SMIM5: variants seen among roughly 807,000 people sequenced by gnomAD.
SMIM5 encodes small integral membrane protein 5.
Under a neutral mutation model 4.0 loss-of-function variants are expected in SMIM5, and 4 were observed. The ratio of observed to expected loss-of-function variants is 1.01; its 90% CI spans 0.50 to 2.30. SMIM5 has a LOEUF of 2.30. SMIM5 is among the 30% of genes most tolerant of loss of function. SMIM5 has a pLI of 0.02. For missense variants in SMIM5, 107 were observed against 99.2 expected, an observed-to-expected ratio of 1.08 and a Z score of -0.34; for synonymous variants, 46 against 43.6, an observed-to-expected ratio of 1.05 and a Z score of -0.22.
chr17:75,640,899 G>C lies in SMIM5; in HGVS notation c.*2G>C, dbSNP rs1170483968. The stretch of plus-strand genomic sequence containing the variant: ...CAGGTGCAGCCGACACCACCATGAC[G>C]GACGGGCGATGGCTGAGGAGAAGCT... On this transcript the variant is annotated 3_prime_UTR_variant, in exon 3 of 3. Coordinates refer to ENST00000375215, the MANE Select transcript of SMIM5 (RefSeq NM_001162995.3). The surrounding 1 kb of genome is among the most constrained non-coding windows in gnomAD (Gnocchi z 4.6). The C allele has an allele frequency of 1.9e-6, 3 of 1,543,228 alleles. No homozygotes were observed. Among genetic ancestry groups the C allele is most frequent in the Non-Finnish European group, 2.6e-6 (3 of 1,146,688 alleles).
chr17:75,640,644 G>C lies in SMIM5; in HGVS notation c.128-147G>C. ...CTGGCGGCTGGCATGGGGACCGTCCGCACCTCTCACCAGCCTCTCGGATCT... is the reference window on the plus strand; with the variant it reads ...CTGGCGGCTGGCATGGGGACCGTCCCCACCTCTCACCAGCCTCTCGGATCT... On this transcript the variant is annotated intron_variant, in intron 2 of 2. Transcript: ENST00000375215. This position sits in a 1 kb window ranked among gnomAD's most constrained non-coding sequence, Gnocchi z 4.6. 6.9e-7 allele frequency: 1 copy of C among 1,449,530 alleles called. No homozygotes were observed. Among genetic ancestry groups the C allele is most frequent in the Non-Finnish European group, 9.1e-7 (1 of 1,095,270 alleles). 89.8% of individuals were successfully genotyped at this position (1,449,530 alleles called of 1,614,324 possible).
chr17:75,640,723 T>C lies in SMIM5; in HGVS notation c.128-68T>C. The C allele has an allele frequency of 2.0e-6, 3 of 1,523,030 alleles. No homozygotes were observed. Among genetic ancestry groups the C allele is most frequent in the Non-Finnish European group, 1.8e-6 (2 of 1,130,012 alleles). The allele number at this position is 1,523,030 out of a possible 1,614,324, so 94.3% of individuals were successfully genotyped here. ...AAGACCCTGGCAGGCAGTGGGTTTC[T>C]CTGGGAGGAGGGTGGGCATCCTTTC... On this transcript the variant is annotated intron_variant, in intron 2 of 2. Coordinates refer to ENST00000375215, the MANE Select transcript of SMIM5 (RefSeq NM_001162995.3). The surrounding 1 kb of genome is among the most constrained non-coding windows in gnomAD (Gnocchi z 4.6).
In SMIM5 at chr17:75,640,185, C is replaced by A; in HGVS notation, c.-17C>A. The A allele has an allele frequency of 6.5e-7, 1 of 1,539,200 alleles. No homozygotes were observed. Among genetic ancestry groups the A allele is most frequent in the Non-Finnish European group, 8.8e-7 (1 of 1,142,310 alleles). On this transcript the variant is annotated 5_prime_UTR_variant, in exon 2 of 3. Coordinates refer to ENST00000375215, the MANE Select transcript of SMIM5 (RefSeq NM_001162995.3). This position sits in a 1 kb window ranked among gnomAD's most constrained non-coding sequence, Gnocchi z 4.6. The stretch of plus-strand genomic sequence containing the variant: ...CAGCAGAGCCCGGCAGGAGCCCCAA[C>A]AGGAAGCCAGCGCGGCATGGCTGCC...
Position 75,636,244 on chromosome 17 carries a change from G to A in SMIM5, c.-37+2042G>A, listed in dbSNP as rs1440969581. Among the ~76,000 whole-genome samples the A allele has an allele frequency of 6.6e-6, 1 of 152,188 alleles. No homozygotes were observed. The highest frequency in any genetic ancestry group is 1.9e-4 in the East Asian group (1 of 5,202). On this transcript the variant is annotated intron_variant, in intron 1 of 2. Transcript: ENST00000375215. The surrounding 1 kb of genome is among the most constrained non-coding windows in gnomAD (Gnocchi z 5.4). The stretch of plus-strand genomic sequence containing the variant: ...CAACCAAGGCACTACTGAGCGTGGG[G>A]TTGGGAGGGACTCTGGTTGCCCTGG...
chr17:75,635,366 G>A (rs2059300498), intron 1 of SMIM5, among the ~76,000 whole-genome samples: 1 of 152,174 alleles, frequency 6.6e-6, no homozygotes, highest in Non-Finnish European at 1.5e-5. Context: ...TCCCTGTCCT[G>A]CATCCACAGG....
At chr17:75,638,652 G>A (rs2059374138) in intron 1 of SMIM5, 1 of 152,338 alleles carries the variant, frequency 6.6e-6, no homozygotes, top group Non-Finnish European at 1.5e-5. Flanking sequence ...CCCGTCCCGG[G>A]GGGGCATTCT....
Position 75,633,577 on chromosome 17 carries a change from A to G in SMIM5, c.-662A>G. On this transcript the variant is annotated 5_prime_UTR_variant, in exon 1 of 3. Coordinates refer to ENST00000375215, the MANE Select transcript of SMIM5 (RefSeq NM_001162995.3). ...GAGCGGCACAAGGGCCTCCCCAGGG[A>G]CTGGTTGCAAAGCCTCCTGCTCAGC... The G allele has an allele frequency of 8.0e-7, 1 of 1,250,190 alleles. No individual in the cohort carries two copies. Among genetic ancestry groups the G allele is most frequent in the Admixed American group, 2.6e-5 (1 of 37,918 alleles). 77.4% of individuals were successfully genotyped at this position (1,250,190 alleles called of 1,614,324 possible).
rs1455186804 is a variant in SMIM5, at chr17:75,640,566, G to A, written c.128-225G>A. ...CCGGGATCCCAAACGCGGGGATGAC[G>A]GGAGCCAGGCTTGGGCAGTGAAAGA... is the stretch of plus-strand genomic sequence containing the variant. On this transcript the variant is annotated intron_variant, in intron 2 of 2. Transcript: ENST00000375215. The surrounding 1 kb of genome is among the most constrained non-coding windows in gnomAD (Gnocchi z 4.6). Among the ~76,000 whole-genome samples, 2 of 152,300 alleles carry A rather than the reference G, an allele frequency of 1.3e-5. No individual in the cohort carries two copies. Among genetic ancestry groups the A allele is most frequent in the South Asian group, 2.1e-4 (1 of 4,834 alleles).
In SMIM5 at chr17:75,640,557, G is replaced by T. The variant is rs144509226; in HGVS notation, c.127+229G>T. Among the ~76,000 whole-genome samples the T allele has an allele frequency of 6.6e-6, 1 of 152,180 alleles. No homozygotes were observed. The highest frequency in any genetic ancestry group is 6.5e-5 in the Admixed American group (1 of 15,280). Reference sequence around the variant, plus strand: ...AGCAGTACCCCGGGATCCCAAACGCGGGGATGACGGGAGCCAGGCTTGGGC... The same window carrying T: ...AGCAGTACCCCGGGATCCCAAACGCTGGGATGACGGGAGCCAGGCTTGGGC... On this transcript the variant is annotated intron_variant, in intron 2 of 2. Transcript: ENST00000375215. The surrounding 1 kb of genome is among the most constrained non-coding windows in gnomAD (Gnocchi z 4.6).
In SMIM5 at chr17:75,640,663, C is replaced by T. The variant is rs1295899861; in HGVS notation, c.128-128C>T. ...CCGTCCGCACCTCTCACCAGCCTCT[C>T]GGATCTTTCTGACCTCCACCAAACC... On this transcript the variant is annotated intron_variant, in intron 2 of 2. Transcript: ENST00000375215. This position sits in a 1 kb window ranked among gnomAD's most constrained non-coding sequence, Gnocchi z 4.6. 21 of 1,466,466 alleles carry T rather than the reference C, an allele frequency of 1.4e-5. No individual in the cohort carries two copies. The highest frequency in any genetic ancestry group is 1.3e-4 in the East Asian group (5 of 40,000). The allele number at this position is 1,466,466 out of a possible 1,614,324, so 90.8% of individuals were successfully genotyped here.
Position 75,640,008 on chromosome 17 carries a change from T to G in SMIM5, c.-36-158T>G. 1 of 709,256 alleles carries G rather than the reference T, an allele frequency of 1.4e-6. No individual in the cohort carries two copies. Among genetic ancestry groups the G allele is most frequent in the East Asian group, 3.0e-5 (1 of 33,478 alleles). 43.9% of individuals were successfully genotyped at this position (709,256 alleles called of 1,614,324 possible). ...TGAGCTGTGTCAGCTGGGTGGGGAC[T>G]GAGGGCCACCACTAGGTGGAAGTCA... is the stretch of plus-strand genomic sequence containing the variant. On this transcript the variant is annotated intron_variant, in intron 1 of 2. Transcript: ENST00000375215. This position sits in a 1 kb window ranked among gnomAD's most constrained non-coding sequence, Gnocchi z 4.6.
At chr17:75,639,841 G>A (rs2059400083) in intron 1 of SMIM5, 1 of 193,716 alleles carries the variant, frequency 5.2e-6, no homozygotes, top group East Asian at 1.4e-4. Context: ...CCAGTCCCAA[G>A]CACCCAGGCA....
intron 1 of SMIM5, among the ~76,000 whole-genome samples, chr17:75,634,886 C>T (rs1475667427): frequency 2.0e-5 from 3 of 152,194 alleles, no homozygotes; most frequent in African/African-American, 4.8e-5. Context: ...GGAGGGACCA[C>T]GCTGGCAACC....
At chr17:75,638,020 T>A (rs1386467916) in intron 1 of SMIM5, 1 of 152,162 alleles carries the variant, frequency 6.6e-6, no homozygotes, top group Non-Finnish European at 1.5e-5. Context: ...CCTATGCCTC[T>A]CAGTACATTT....
rs1175219402 is a variant in SMIM5, at chr17:75,636,984, G to C, written c.-37+2782G>C. The C allele has an allele frequency of 6.6e-6, 1 of 152,232 alleles. No individual in the cohort carries two copies. Among genetic ancestry groups the C allele is most frequent in the Non-Finnish European group, 1.5e-5 (1 of 68,064 alleles). 9.4% of individuals were successfully genotyped at this position (152,232 alleles called of 1,614,324 possible). ...ATGACACTGTCCACAGCCGCAGCCT[G>C]CTGCTGCTGGGAACTGACACTTTTC... On this transcript the variant is annotated intron_variant, in intron 1 of 2. Coordinates refer to ENST00000375215, the MANE Select transcript of SMIM5 (RefSeq NM_001162995.3). The surrounding 1 kb of genome is among the most constrained non-coding windows in gnomAD (Gnocchi z 5.4).
In SMIM5 at chr17:75,640,349, C is replaced by T. The variant is rs752356025; in HGVS notation, c.127+21C>T. Reference sequence around the variant, plus strand: ...CACAGGTTAGTTGGGGCACTCAGCACCCCATGGCTCTCCCTGGCATCTGGG... The same window carrying T: ...CACAGGTTAGTTGGGGCACTCAGCATCCCATGGCTCTCCCTGGCATCTGGG... On this transcript the variant is annotated intron_variant, in intron 2 of 2. Coordinates refer to ENST00000375215, the MANE Select transcript of SMIM5 (RefSeq NM_001162995.3). This position sits in a 1 kb window ranked among gnomAD's most constrained non-coding sequence, Gnocchi z 4.6. 1 of 1,523,334 alleles carries T rather than the reference C, an allele frequency of 6.6e-7. No homozygotes were observed. The highest frequency in any genetic ancestry group is 1.2e-5 in the South Asian group (1 of 80,794). 94.4% of individuals were successfully genotyped at this position (1,523,334 alleles called of 1,614,324 possible). A position where few individuals can be genotyped will look rare whatever the true frequency, so the allele number is the denominator to read the frequency against.
chr17:75,634,655 G>A (rs984307361), intron 1 of SMIM5, among the ~76,000 whole-genome samples: 1 of 152,242 alleles, frequency 6.6e-6, no homozygotes, highest in Non-Finnish European at 1.5e-5. Flanking sequence ...CCAGGATGCA[G>A]CAGGACTCTG....
In SMIM5 at chr17:75,640,543, G is replaced by A. The variant is rs820202; in HGVS notation, c.127+215G>A. Among the ~76,000 whole-genome samples, 49,401 of 151,886 alleles carry A rather than the reference G, an allele frequency of 0.33. 8,425 individuals carry two copies. The highest frequency in any genetic ancestry group is 0.54 in the East Asian group (2,766 of 5,118). ...TGGGGACTGGGCCCAGCAGTACCCCGGGATCCCAAACGCGGGGATGACGGG... is the reference window on the plus strand; with the variant it reads ...TGGGGACTGGGCCCAGCAGTACCCCAGGATCCCAAACGCGGGGATGACGGG... On this transcript the variant is annotated intron_variant, in intron 2 of 2. Coordinates refer to ENST00000375215, the MANE Select transcript of SMIM5 (RefSeq NM_001162995.3). This position sits in a 1 kb window ranked among gnomAD's most constrained non-coding sequence, Gnocchi z 4.6.
chr17:75,641,238 G>A lies in SMIM5; in HGVS notation c.*341G>A, dbSNP rs2059429932. 1 of 239,814 alleles carries A rather than the reference G, an allele frequency of 4.2e-6. No individual in the cohort carries two copies. The highest frequency in any genetic ancestry group is 8.5e-5 in the South Asian group (1 of 11,734). 14.9% of individuals were successfully genotyped at this position (239,814 alleles called of 1,614,324 possible). A position where few individuals can be genotyped will look rare whatever the true frequency, so the allele number is the denominator to read the frequency against. On this transcript the variant is annotated 3_prime_UTR_variant, in exon 3 of 3. Coordinates refer to ENST00000375215, the MANE Select transcript of SMIM5 (RefSeq NM_001162995.3). ...TTGATGGAGAACAGTCCCCACCTGT[G>A]GGCAATTGGCCCTTGGGGCTCTGCT...
Sources: allele counts gnomAD v4.1 joint callset (sites outside exome capture counted in the v4.1 genomes callset), GRCh38; gene constraint gnomAD v4.1.1; non-coding constraint Gnocchi (gnomAD v3.1); transcripts MANE v1.5; gene names NCBI Gene and HGNC (gene_info 2026-07-23, HGNC 2026-07-21).